The following DCTN1 variants were observed in gnomAD, a reference collection of about 807,000 sequenced individuals.
DCTN1 encodes the protein dynactin subunit 1.
DCTN1 carries 61 observed loss-of-function variants against 161.2 expected under a neutral mutation model. The observed-to-expected ratio is 0.38, with a 90% CI of 0.31 to 0.47. The LOEUF is 0.47. DCTN1 is among the 20% of genes least tolerant of loss of function. The pLI is 0.99. For synonymous variants in DCTN1, 653 were observed against 632.4 expected (o/e 1.03, Z -0.49); for missense variants, 1,404 against 1,623.7 (o/e 0.86, Z 2.33).
intron 24 of DCTN1, 72 bp downstream of exon 24, chr2:74,365,819 TCC>T: frequency 1.2e-6 from 2 of 1,613,654 alleles, no homozygotes; most frequent in South Asian, 2.2e-5. Flanking sequence ...TTGGTCCCGA[TCC>T]CCAACACTCA....
intron 1 of DCTN1, among the ~76,000 whole-genome samples, chr2:74,385,974 T>G (rs1675710786): frequency 6.6e-6 from 1 of 152,212 alleles, no homozygotes. Flanking sequence ...AAGGTCTCTC[T>G]TCTTATTCAC....
chr2:74,367,686 T>C lies in DCTN1; in HGVS notation c.2184+10A>G. The C allele has an allele frequency of 6.2e-7, 1 of 1,614,154 alleles. No individual in the cohort carries two copies. The highest frequency in any genetic ancestry group is 8.5e-7 in the Non-Finnish European group (1 of 1,180,030). On this transcript the variant is annotated intron_variant, in intron 18 of 31. Coordinates refer to ENST00000628224, the MANE Select transcript of DCTN1 (RefSeq NM_004082.5). Reference sequence around the variant, plus strand: ...GCCTCCTGCCCCAAGCCCAAATTCTTGCCCCACACCTGATAGTACTTGATG... The same window carrying C: ...GCCTCCTGCCCCAAGCCCAAATTCTCGCCCCACACCTGATAGTACTTGATG...
intron 16 of DCTN1, chr2:74,368,394 C>T: frequency 1.6e-6 from 1 of 609,414 alleles, no homozygotes; most frequent in East Asian, 2.9e-5. Flanking sequence ...TTAAAGCTGC[C>T]ACTCCTGCTA....
Position 74,371,597 on chromosome 2 carries a change from G to C in DCTN1, c.585C>G (p.Ile195Met). The part of the protein sequence containing the change: ...TPAQTPLAAP[I>M]IPTPVLTSPG... ...GAGAGGTGAGGACCGGCGTGGGGAT[G>C]ATGGGTGCTGCCAGCGGAGTCTGAG... Residue 195 changes from isoleucine (I) to methionine (M), a missense_variant, in exon 8 of 32, where the codon ATC becomes ATG. Ile to Met is a conservative substitution (Grantham distance 10, BLOSUM62 1). Transcript: ENST00000628224. 6.3e-7 allele frequency: 1 copy of C among 1,588,982 alleles called. No homozygotes were observed.
At chr2:74,387,142 A>G (rs1032123728) in intron 1 of DCTN1, 1 of 152,148 alleles carries the variant, frequency 6.6e-6, no homozygotes, top group Non-Finnish European at 1.5e-5. Flanking sequence ...GGTGACCCCA[A>G]TGTCCTACAC....
intron 1 of DCTN1, chr2:74,390,724 G>A: frequency 2.5e-6 from 1 of 397,654 alleles, no homozygotes. Context: ...AGCATCACCT[G>A]GGAACTTGTT....
upstream of DCTN1, chr2:74,380,546 T>A (rs202001328): frequency 3.0e-5 from 14 of 472,066 alleles, no homozygotes; most frequent in Non-Finnish European, 5.7e-5. Context: ...AGCAGGCCCA[T>A]AAGCATCAAG....
Position 74,362,656 on chromosome 2 carries a change from C to T in DCTN1, c.3603G>A (p.Lys1201=), listed in dbSNP as rs1558931876. ...CCTGGCAAACTGAGCTGACCTTGAG[C>T]TTCTCGACGGTGTCACTCAGGGACT... ...QLKSLSDTVE[K]LKDEVLKETV... The change falls in exon 30 of 32, where the codon AAG becomes AAA. Residue 1201 remains lysine (K), a synonymous_variant. Coordinates refer to ENST00000628224, the MANE Select transcript of DCTN1 (RefSeq NM_004082.5). 1.2e-6 allele frequency: 2 copies of T among 1,613,782 alleles called. No individual in the cohort carries two copies. The highest frequency in any genetic ancestry group is 2.7e-5 in the African/African-American group (2 of 75,038).
At chr2:74,382,362 G>C (rs1675547093), upstream of DCTN1, among the ~76,000 whole-genome samples, 1 of 152,180 alleles carries the variant, frequency 6.6e-6, no homozygotes, top group South Asian at 2.1e-4. Context: ...CACTTTGAGA[G>C]GCTGAGGCCG....
chr2:74,371,208 A>C, intron 8 of DCTN1, 32 bp from the exon 9 acceptor site: 1 of 1,611,102 alleles, frequency 6.2e-7, no homozygotes, highest in Non-Finnish European at 8.5e-7. Context: ...GTCTGTGCAC[A>C]GCCCACTCCT....
In DCTN1 at chr2:74,370,530, C is replaced by G. The variant is rs758821541; in HGVS notation, c.1063G>C (p.Ala355Pro). Residue 355 changes from alanine (A) to proline (P), a missense_variant, in exon 11 of 32, where the codon GCA becomes CCA. This residue lies in a region of DCTN1 where 278 missense variants were observed against 363.8 expected (regional missense o/e 0.76). Coordinates refer to ENST00000628224, the MANE Select transcript of DCTN1 (RefSeq NM_004082.5). This position sits in a 1 kb window ranked among gnomAD's most constrained non-coding sequence, Gnocchi z 4.4. ...AGCTGCTTGAGCTGATAACTGGATGCAGCGCCATCTGAGCCTGGAGAAGAT... is the reference window on the plus strand; with the variant it reads ...AGCTGCTTGAGCTGATAACTGGATGGAGCGCCATCTGAGCCTGGAGAAGAT... ...EIEEKGSDGAASSYQLKQLEE... is the reference protein window; with the variant it reads ...EIEEKGSDGAPSSYQLKQLEE... The G allele has an allele frequency of 6.2e-7, 1 of 1,614,154 alleles. No individual in the cohort carries two copies. The highest frequency in any genetic ancestry group is 2.2e-5 in the East Asian group (1 of 44,886).
intron 27 of DCTN1, 31 bp downstream of exon 27, chr2:74,363,583 C>G (rs1279140163): frequency 1.2e-6 from 2 of 1,612,756 alleles, no homozygotes; most frequent in East Asian, 4.5e-5. Context: ...TCCCACCAGC[C>G]TGGTAACCCC....
chr2:74,382,351 AC>A (rs1675546891), upstream of DCTN1, among the ~76,000 whole-genome samples: 1 of 151,982 alleles, frequency 6.6e-6, no homozygotes, highest in African/African-American at 2.4e-5. Flanking sequence ...TGTAATCCCA[AC>A]ACTTTGAGAG....
intron 5 of DCTN1, 185 bp from the exon 6 acceptor site, chr2:74,374,525 G>A (rs1335759447): frequency 2.1e-5 from 30 of 1,420,422 alleles, no homozygotes; most frequent in African/African-American, 2.9e-5. Context: ...TCAGCCTCCC[G>A]GTGCGGCAGC....
intron 1 of DCTN1, chr2:74,391,602 G>T (rs771110599): frequency 1.7e-5 from 6 of 353,440 alleles, no homozygotes; most frequent in Non-Finnish European, 2.8e-5. Context: ...ACAATGCTAG[G>T]CTGAAGAGCT....
intron 6 of DCTN1, 73 bp downstream of exon 6, chr2:74,374,250 A>ACCCCCCC: frequency 2.8e-6 from 2 of 717,026 alleles, no homozygotes; most frequent in Non-Finnish European, 4.4e-6. Flanking sequence ...ATCAGCCCCC[A>ACCCCCCC]CCCCCACCCC....
Position 74,367,093 on chromosome 2 carries a change from A to G in DCTN1, c.2268T>C (p.Ala756=), listed in dbSNP as rs1203048142. The G allele has an allele frequency of 1.2e-6, 2 of 1,614,226 alleles. No individual in the cohort carries two copies. Among genetic ancestry groups the G allele is most frequent in the Non-Finnish European group, 8.5e-7 (1 of 1,180,044 alleles). The change falls in exon 20 of 32, where the codon GCT becomes GCC. Residue 756 remains alanine (A), a synonymous_variant. Coordinates refer to ENST00000628224, the MANE Select transcript of DCTN1 (RefSeq NM_004082.5). ...CTACCTCCACACTCATGCAGTCCAG[A>G]GCACTCTGCGTGAACTGTGAGGATA... The part of the protein sequence containing the change: ...LADHIKFTQS[A]LDCMSVEVGR...
intron 26 of DCTN1, 111 bp from the exon 27 acceptor site, chr2:74,363,739 C>G: frequency 1.4e-6 from 2 of 1,383,190 alleles, no homozygotes; most frequent in Non-Finnish European, 2.0e-6. Flanking sequence ...TGCAGGAAAA[C>G]CCTTTTCCTA....
chr2:74,374,861 G>T, intron 5 of DCTN1: 1 of 586,204 alleles, frequency 1.7e-6, no homozygotes, highest in Non-Finnish European at 2.2e-6. Context: ...TCCCTCCCTT[G>T]CCCACCCCCA....
Sources: gnomAD v4.1 joint callset for allele counts (sites outside exome capture counted in the v4.1 genomes callset) on GRCh38, gnomAD v4.1.1 for gene constraint, gnomAD v4.1.1 regional missense constraint, Gnocchi (gnomAD v3.1) non-coding constraint, MANE v1.5 for transcripts, NCBI Gene and HGNC (gene_info 2026-07-23, HGNC 2026-07-21) for gene names.